PINX1: variants seen among roughly 807,000 people sequenced by gnomAD.
The protein encoded by PINX1 is PIN2 (TERF1) interacting telomerase inhibitor 1, also known as PIN2/TERF1-interacting telomerase inhibitor 1.
A neutral mutation model predicts 25.4 loss-of-function variants in PINX1; 34 were observed. That is an observed-to-expected ratio of 1.34 (90% CI 1.02 to 1.78). PINX1 has a LOEUF of 1.78. Among genes scored for constraint, PINX1 ranks in the 40% most tolerant of loss-of-function variants. The probability of loss-of-function intolerance (pLI) is 0.00; values close to 1 mark genes in which losing one functional copy is unlikely to be tolerated. For missense variants in PINX1, 592 were observed against 404.9 expected (o/e 1.46, Z -3.97); for synonymous variants, 197 against 147.7 (o/e 1.33, Z -2.42).
chr8:10,825,055 G>A (rs1031043549), intron 5 of PINX1, among the ~76,000 whole-genome samples: 1 of 152,142 alleles, frequency 6.6e-6, no homozygotes, highest in Non-Finnish European at 1.5e-5. Context: ...CTGCTGGAGA[G>A]GGAAGGGAGG....
At position 10,800,850 on chromosome 8, in the gene PINX1, T is replaced by G. The variant is rs149050363; in HGVS notation, c.471+19343A>C. Among the ~76,000 whole-genome samples the G allele has an allele frequency of 2.1e-4, 32 of 152,298 alleles. No homozygotes were observed. In the East Asian group the frequency reaches 5.8e-3, roughly 28 times the overall value. ...ACTCTCTTCTCTTTGCTTTCCCACC[T>G]CAGACCATACCACTTGATCCAGGCG... is the stretch of plus-strand genomic sequence containing the variant. On this transcript the variant is annotated intron_variant, in intron 6 of 6. Coordinates refer to ENST00000314787, the MANE Select transcript of PINX1 (RefSeq NM_017884.6).
Position 10,839,767 on chromosome 8 carries a change from CTG to C in PINX1, c.-13_-12del. 1 of 1,602,106 alleles carries C rather than the reference CTG, an allele frequency of 6.2e-7. No homozygotes were observed. The highest frequency in any genetic ancestry group is 8.5e-7 in the Non-Finnish European group (1 of 1,174,234). Reference sequence around the variant, plus strand: ...AGCCAGCATAGACATGTCGGAGAGCCTGTGATACCGCCGCCTCTGGACCTGGG... The same window carrying C: ...AGCCAGCATAGACATGTCGGAGAGCCTGATACCGCCGCCTCTGGACCTGGG... On this transcript the variant is annotated 5_prime_UTR_variant, in exon 1 of 7. Transcript: ENST00000314787.
At chr8:10,792,753 C>T (rs569097458) in intron 6 of PINX1, among the ~76,000 whole-genome samples, 17 of 152,234 alleles carry the variant, frequency 1.1e-4, no homozygotes, top group African/African-American at 2.6e-4. Flanking sequence ...TTCAGGGACA[C>T]GATTAATTGC....
At chr8:10,798,910 G>C (rs1428840169) in intron 6 of PINX1, among the ~76,000 whole-genome samples, 1 of 152,172 alleles carries the variant, frequency 6.6e-6, no homozygotes, top group Admixed American at 6.5e-5. Flanking sequence ...CTGCTTAGTA[G>C]CTCCTCCTGG....
chr8:10,820,451 A>G (rs1797833270), intron 5 of PINX1, 182 bp from the exon 6 acceptor site: 1 of 648,770 alleles, frequency 1.5e-6, no homozygotes, highest in East Asian at 2.7e-5. Flanking sequence ...AAAATTAATT[A>G]AATTTTAAAA....
intron 6 of PINX1, among the ~76,000 whole-genome samples, chr8:10,777,625 T>C (rs1454738806): frequency 6.6e-6 from 1 of 151,952 alleles, no homozygotes; most frequent in Non-Finnish European, 1.5e-5. Flanking sequence ...AGAGAAGAGG[T>C]TCTTCGTGTA....
chr8:10,765,253 G>C lies in PINX1; in HGVS notation c.*148C>G. The C allele has an allele frequency of 1.6e-6, 1 of 626,666 alleles. No homozygotes were observed. Among genetic ancestry groups the C allele is most frequent in the Non-Finnish European group, 2.6e-6 (1 of 382,010 alleles). The allele number at this position is 626,666 out of a possible 1,614,324, so 38.8% of individuals were successfully genotyped here. ...GAATGTAACTTGGGGGAAATGTGGC[G>C]AGAGGGCAGGACTCGGCAGCCCATG... On this transcript the variant is annotated 3_prime_UTR_variant, in exon 7 of 7. Coordinates refer to ENST00000314787, the MANE Select transcript of PINX1 (RefSeq NM_017884.6).
chr8:10,818,082 T>C (rs1455490575), intron 6 of PINX1, among the ~76,000 whole-genome samples: 1 of 152,204 alleles, frequency 6.6e-6, no homozygotes, highest in Non-Finnish European at 1.5e-5. Flanking sequence ...TGTTGAGAAC[T>C]ATGGCTACAG....
intron 4 of PINX1, among the ~76,000 whole-genome samples, chr8:10,830,730 A>C (rs1798203222): frequency 6.6e-6 from 1 of 152,254 alleles, no homozygotes; most frequent in Admixed American, 6.5e-5. Flanking sequence ...GCTTAACATC[A>C]GTCATTAGGG....
At chr8:10,785,480 A>C (rs1250811529) in intron 6 of PINX1, among the ~76,000 whole-genome samples, 1 of 152,242 alleles carries the variant, frequency 6.6e-6, no homozygotes, top group Non-Finnish European at 1.5e-5. Flanking sequence ...GAAAATGTTT[A>C]TTTAAATTAC....
At chr8:10,810,478 A>G (rs771332491) in intron 6 of PINX1, among the ~76,000 whole-genome samples, 1 of 152,212 alleles carries the variant, frequency 6.6e-6, no homozygotes, top group Non-Finnish European at 1.5e-5. Context: ...GAGCATGAGC[A>G]GCTCCCTTCC....
chr8:10,770,601 C>A (rs1460055575), intron 6 of PINX1, among the ~76,000 whole-genome samples: 1 of 152,196 alleles, frequency 6.6e-6, no homozygotes. Flanking sequence ...GCTCTTGTGT[C>A]ATTCAAACAT....
At chr8:10,779,351 C>A (rs1379019301) in intron 6 of PINX1, among the ~76,000 whole-genome samples, 1 of 152,150 alleles carries the variant, frequency 6.6e-6, no homozygotes, top group Non-Finnish European at 1.5e-5. Flanking sequence ...GGACATATAA[C>A]AAAATCAAAT....
Position 10,800,471 on chromosome 8 carries a change from T to A in PINX1, c.471+19722A>T, listed in dbSNP as rs1432207819. On this transcript the variant is annotated intron_variant, in intron 6 of 6. Coordinates refer to ENST00000314787, the MANE Select transcript of PINX1 (RefSeq NM_017884.6). Reference sequence around the variant, plus strand: ...TTACATGATCTGACTGAGAATAAACTTTTTTTTTTTTTTTTTGAGAGCAAG... The same window carrying A: ...TTACATGATCTGACTGAGAATAAACATTTTTTTTTTTTTTTTGAGAGCAAG... Among the ~76,000 whole-genome samples, 9 of 83,892 alleles carry A rather than the reference T, an allele frequency of 1.1e-4. No homozygotes were observed. In the Admixed American group the frequency reaches 1.3e-3, roughly 12 times the overall value. The allele number at this position is 83,892 out of a possible 152,430, so 55.0% of individuals were successfully genotyped here. A position where few individuals can be genotyped will look rare whatever the true frequency, so the allele number is the denominator to read the frequency against.
At chr8:10,826,723 T>C (rs114754114) in intron 4 of PINX1, among the ~76,000 whole-genome samples, 3,493 of 152,250 alleles carry the variant, frequency 0.023, 156 homozygotes, top group African/African-American at 0.079. Flanking sequence ...CTCCAGGGCA[T>C]TGTGCTTAGT....
chr8:10,812,934 G>C (rs1478165329), intron 6 of PINX1, among the ~76,000 whole-genome samples: 6 of 152,202 alleles, frequency 3.9e-5, no homozygotes, highest in Admixed American at 3.9e-4. Context: ...TTTTCATCTA[G>C]CTGCTAGCAA....
At chr8:10,794,388 T>C (rs772119356) in intron 6 of PINX1, among the ~76,000 whole-genome samples, 4 of 152,000 alleles carry the variant, frequency 2.6e-5, no homozygotes, top group Non-Finnish European at 4.4e-5. Flanking sequence ...ACTTAAAATA[T>C]CCGAACAGTA....
chr8:10,799,753 C>G (rs1802207106), intron 6 of PINX1, among the ~76,000 whole-genome samples: 1 of 152,126 alleles, frequency 6.6e-6, no homozygotes, highest in South Asian at 2.1e-4. Flanking sequence ...GTAAGAGGAG[C>G]CGCTGGCAGG....
At chr8:10,819,165 G>A (rs117210209) in intron 6 of PINX1, among the ~76,000 whole-genome samples, 273 of 152,344 alleles carry the variant, frequency 1.8e-3, no homozygotes, top group Non-Finnish European at 3.2e-3. Context: ...GCAGACAGGG[G>A]CTAAAAGACC....
Sources: gnomAD v4.1 joint callset for allele counts (sites outside exome capture counted in the v4.1 genomes callset) on GRCh38, gnomAD v4.1.1 for gene constraint, MANE v1.5 for transcripts, NCBI Gene and HGNC (gene_info 2026-07-23, HGNC 2026-07-21) for gene names.